SLC24A3: variants seen among roughly 807,000 people sequenced by gnomAD.
SLC24A3 encodes sodium/potassium/calcium exchanger 3.
Under a neutral mutation model 75.8 loss-of-function variants are expected in SLC24A3, and 28 were observed. That is an observed-to-expected ratio of 0.37 (90% CI 0.27 to 0.51). The LOEUF (loss-of-function observed/expected upper bound fraction) is 0.51, where lower values mean the gene tolerates loss of function less well. Among genes scored for constraint, SLC24A3 ranks in the 20% least tolerant of loss-of-function variants. The probability of loss-of-function intolerance (pLI) is 0.94; values close to 1 mark genes in which losing one functional copy is unlikely to be tolerated. For synonymous variants in SLC24A3, 372 were observed against 334.1 expected, an observed-to-expected ratio of 1.11 and a Z score of -1.24; for missense variants, 663 against 847.8, an observed-to-expected ratio of 0.78 and a Z score of 2.71.
intron 2 of SLC24A3, among the ~76,000 whole-genome samples, chr20:19,293,655 C>CAA (rs760339037): frequency 0.044 from 2,510 of 57,658 alleles, 118 homozygotes; most frequent in African/African-American, 0.13. Flanking sequence ...AACTTCGTCT[C>CAA]AAAAAAAAAA....
In SLC24A3 at chr20:19,332,440, A is replaced by C. The variant is rs368974037; in HGVS notation, c.271+51353A>C. ...TGATTCCGGCACACCATCTTTTTTTATTTCTTTTATATCAACACATGTCTT... is the reference window on the plus strand; with the variant it reads ...TGATTCCGGCACACCATCTTTTTTTCTTTCTTTTATATCAACACATGTCTT... On this transcript the variant is annotated intron_variant, in intron 2 of 16. Transcript: ENST00000328041. Among the ~76,000 whole-genome samples, 9 of 151,964 alleles carry C rather than the reference A, an allele frequency of 5.9e-5. No individual in the cohort carries two copies. In the East Asian group the frequency reaches 1.4e-3, roughly 23 times the overall value.
At chr20:19,442,680 C>G (rs916811989) in intron 2 of SLC24A3, among the ~76,000 whole-genome samples, 1 of 152,140 alleles carries the variant, frequency 6.6e-6, no homozygotes, top group African/African-American at 2.4e-5. Flanking sequence ...TGAGCAGTGT[C>G]TTTCACAAAA....
chr20:19,585,219 ATTT>A (rs1406599473), intron 5 of SLC24A3, among the ~76,000 whole-genome samples, 164 bp downstream of exon 5: 2 of 152,092 alleles, frequency 1.3e-5, no homozygotes, highest in Non-Finnish European at 1.5e-5. Context: ...TTGTTGTTTT[ATTT>A]AAGTGATGCT....
intron 2 of SLC24A3, among the ~76,000 whole-genome samples, chr20:19,295,954 CT>C (rs1984050198): frequency 6.6e-6 from 1 of 152,086 alleles, no homozygotes; most frequent in Non-Finnish European, 1.5e-5. Context: ...CTTTGTACCT[CT>C]GGTAGAATTC....
intron 2 of SLC24A3, among the ~76,000 whole-genome samples, chr20:19,404,982 A>G (rs1986617358): frequency 6.6e-6 from 1 of 152,118 alleles, no homozygotes; most frequent in African/African-American, 2.4e-5. Context: ...GAGAGAGCAG[A>G]CAGTATGACA....
intron 3 of SLC24A3, among the ~76,000 whole-genome samples, chr20:19,539,291 G>A (rs1006417472): frequency 1.3e-5 from 2 of 152,156 alleles, no homozygotes; most frequent in Non-Finnish European, 2.9e-5. Context: ...GGCCACACTG[G>A]AGCACAGTCT....
At chr20:19,522,092 G>C (rs993469838) in intron 3 of SLC24A3, among the ~76,000 whole-genome samples, 2 of 152,168 alleles carry the variant, frequency 1.3e-5, no homozygotes, top group African/African-American at 2.4e-5. Context: ...TTGAGCACTT[G>C]AAATGTGGCT....
chr20:19,559,602 C>G (rs924163539), intron 3 of SLC24A3, among the ~76,000 whole-genome samples: 2 of 152,018 alleles, frequency 1.3e-5, no homozygotes, highest in African/African-American at 4.8e-5. Context: ...ATATTTTCTT[C>G]TAGAGGACTT....
chr20:19,648,100 C>T (rs564851771), intron 6 of SLC24A3, among the ~76,000 whole-genome samples: 2 of 152,224 alleles, frequency 1.3e-5, no homozygotes, highest in East Asian at 3.9e-4. Context: ...TGATTTTTCC[C>T]GGCATAGAAG....
At chr20:19,681,785 G>A in intron 9 of SLC24A3, 73 bp from the exon 10 acceptor site, 1 of 1,608,160 alleles carries the variant, frequency 6.2e-7, no homozygotes, top group South Asian at 1.1e-5. Context: ...GCTCTCAGAA[G>A]CACTTGGTGG....
intron 6 of SLC24A3, among the ~76,000 whole-genome samples, chr20:19,604,759 C>T (rs767226107): frequency 2.0e-5 from 3 of 152,198 alleles, no homozygotes; most frequent in African/African-American, 7.2e-5. Context: ...ACTGCAGGCT[C>T]TGAGGAATTT....
chr20:19,718,334 C>CA (rs1426790675), intron 16 of SLC24A3, among the ~76,000 whole-genome samples: 15 of 152,306 alleles, frequency 9.8e-5, no homozygotes, highest in African/African-American at 3.6e-4. Context: ...CTGCCTTATA[C>CA]AAAAGTGCAA....
At chr20:19,333,858 T>G (rs1985062482) in intron 2 of SLC24A3, among the ~76,000 whole-genome samples, 1 of 152,168 alleles carries the variant, frequency 6.6e-6, no homozygotes. Context: ...TTTTTGAATG[T>G]AGCCATAAGG....
chr20:19,698,309 A>C (rs1205304739), intron 14 of SLC24A3, among the ~76,000 whole-genome samples: 1 of 152,246 alleles, frequency 6.6e-6, no homozygotes, highest in Non-Finnish European at 1.5e-5. Context: ...CACAAAGCCT[A>C]TCACTGTATT....
At chr20:19,529,228 C>T (rs959173031) in intron 3 of SLC24A3, among the ~76,000 whole-genome samples, 4 of 151,936 alleles carry the variant, frequency 2.6e-5, no homozygotes, top group African/African-American at 9.7e-5. Context: ...TATGTGTCTC[C>T]GTGGCAACCC....
rs999918620 is a variant in SLC24A3, at chr20:19,546,177, A to C, written c.348+30613A>C. On this transcript the variant is annotated intron_variant, in intron 3 of 16. Transcript: ENST00000328041. The stretch of plus-strand genomic sequence containing the variant: ...CCGTCTCAAAAAAAAAAAAAAAAAA[A>C]AAAAAAAAAAACCAGGTAATCGACC... Among the ~76,000 whole-genome samples the C allele has an allele frequency of 3.3e-5, 5 of 149,886 alleles. No individual in the cohort carries two copies. The East Asian group carries it at 7.8e-4, about 23-fold the overall frequency.
intron 1 of SLC24A3, among the ~76,000 whole-genome samples, chr20:19,227,653 C>T (rs1981906837): frequency 6.6e-6 from 1 of 152,178 alleles, no homozygotes; most frequent in Admixed American, 6.5e-5. Flanking sequence ...ACTGTTTCCT[C>T]TACCTCCACA....
chr20:19,674,700 T>TA (rs2032504409), intron 9 of SLC24A3, among the ~76,000 whole-genome samples: 1 of 152,256 alleles, frequency 6.6e-6, no homozygotes, highest in African/African-American at 2.4e-5. Context: ...TGAGGTATTT[T>TA]AAAACCACCA....
At chr20:19,222,818 T>TTCCTTCCTTCCTTCCA (rs1981763604) in intron 1 of SLC24A3, among the ~76,000 whole-genome samples, 6 of 135,310 alleles carry the variant, frequency 4.4e-5, no homozygotes, top group African/African-American at 1.6e-4. Flanking sequence ...CCTTCCTTCG[T>TTCCTTCCTTCCTTCCA]TCCTTCCTTC....
Sources: gnomAD v4.1 joint callset for allele counts (sites outside exome capture counted in the v4.1 genomes callset) on GRCh38, gnomAD v4.1.1 for gene constraint, MANE v1.5 for transcripts, NCBI Gene and HGNC (gene_info 2026-07-23, HGNC 2026-07-21) for gene names.